Variants in GUCY2C observed in about 807,000 individuals in gnomAD.
GUCY2C encodes guanylate cyclase 2C, also known as guanylyl cyclase C.
GUCY2C carries 118 observed loss-of-function variants against 131.1 expected under a neutral mutation model. That is an observed-to-expected ratio of 0.90 (90% CI 0.78 to 1.05). GUCY2C has a LOEUF of 1.05. GUCY2C is among the 50% of genes least tolerant of loss of function. The pLI is 0.00. For synonymous variants in GUCY2C, 452 were observed against 457.8 expected, an observed-to-expected ratio of 0.99 and a Z score of 0.16; for missense variants, 1,161 against 1,304.4, an observed-to-expected ratio of 0.89 and a Z score of 1.69.
At chr12:14,650,351 G>C (rs1043430430) in intron 15 of GUCY2C, among the ~76,000 whole-genome samples, 7 of 152,082 alleles carry the variant, frequency 4.6e-5, no homozygotes, top group African/African-American at 1.7e-4. Context: ...TGGTTCAAAG[G>C]ATTCTCCTGC....
chr12:14,637,653 T>G (rs1242890089), intron 19 of GUCY2C, among the ~76,000 whole-genome samples: 2 of 152,090 alleles, frequency 1.3e-5, no homozygotes, highest in African/African-American at 4.8e-5. Context: ...AGACAACTGA[T>G]TTTCAACAAC....
At chr12:14,648,272 TAA>T (rs71038619) in intron 15 of GUCY2C, among the ~76,000 whole-genome samples, 2,393 of 147,238 alleles carry the variant, frequency 0.016, 24 homozygotes, top group African/African-American at 0.043. Context: ...ATCTTTAAAT[TAA>T]AAAAAAAAAA....
Position 14,674,660 on chromosome 12 carries a change from T to A in GUCY2C, c.1049A>T (p.Lys350Ile), listed in dbSNP as rs1475769640. The A allele has an allele frequency of 1.2e-6, 2 of 1,613,418 alleles. No homozygotes were observed. Among genetic ancestry groups the A allele is most frequent in the Non-Finnish European group, 1.7e-6 (2 of 1,179,634 alleles). ...GAGATTCCTGAAAGCATGAGCAAAT[T>A]TGGGGGTGGTAATATTTTCTCCATT... The part of the protein sequence containing the change: ...LENGENITTP[K>I]FAHAFRNLTF... The change falls in exon 8 of 27, where the codon AAA becomes ATA. Residue 350 changes from lysine (K) to isoleucine (I), a missense_variant. Physicochemically the swap from Lys to Ile is moderately radical, Grantham distance 102 (BLOSUM62 -3). Transcript: ENST00000261170.
intron 19 of GUCY2C, among the ~76,000 whole-genome samples, chr12:14,629,451 A>G (rs1050864863): frequency 1.3e-5 from 2 of 152,238 alleles, no homozygotes; most frequent in African/African-American, 2.4e-5. Context: ...TTAGTTGTAG[A>G]TTAAAAGAAG....
intron 5 of GUCY2C, among the ~76,000 whole-genome samples, 153 bp downstream of exon 5, chr12:14,681,203 G>A (rs1217856978): frequency 1.3e-5 from 2 of 152,166 alleles, no homozygotes; most frequent in Non-Finnish European, 2.9e-5. Context: ...ATATAATGAA[G>A]TTGCATGCAA....
At chr12:14,639,077 C>T (rs926658829) in intron 19 of GUCY2C, among the ~76,000 whole-genome samples, 51 of 152,178 alleles carry the variant, frequency 3.4e-4, no homozygotes, top group African/African-American at 1.2e-3. Context: ...CAGGTGGGAT[C>T]GCTTGAGGTC....
At chr12:14,641,885 C>T (rs112956120) in intron 17 of GUCY2C, among the ~76,000 whole-genome samples, 7,455 of 151,122 alleles carry the variant, frequency 0.049, 602 homozygotes, top group African/African-American at 0.17. Context: ...TGCAGTGAGA[C>T]GAGATCACAC....
At position 14,613,340 on chromosome 12, in the gene GUCY2C, A is replaced by C; in HGVS notation, c.3048-49T>G. The C allele has an allele frequency of 7.4e-7, 1 of 1,358,840 alleles. No individual in the cohort carries two copies. The highest frequency in any genetic ancestry group is 1.1e-6 in the Non-Finnish European group (1 of 949,258). The allele number at this position is 1,358,840 out of a possible 1,614,324, so 84.2% of individuals were successfully genotyped here. On this transcript the variant is annotated intron_variant, in intron 26 of 26. Coordinates refer to ENST00000261170, the MANE Select transcript of GUCY2C (RefSeq NM_004963.4). This position sits in a 1 kb window ranked among gnomAD's most constrained non-coding sequence, Gnocchi z 4.9. ...AATAGAACTTCTCAGCAATTCATAC[A>C]GAATATTCCTTAGCTCCAGAATAAT...
At chr12:14,630,914 A>G (rs1009710899) in intron 19 of GUCY2C, among the ~76,000 whole-genome samples, 2 of 152,222 alleles carry the variant, frequency 1.3e-5, no homozygotes, top group African/African-American at 4.8e-5. Context: ...TCAGATTAGA[A>G]AAAAAGGGCT....
intron 1 of GUCY2C, 98 bp downstream of exon 1, chr12:14,696,134 A>C (rs1948650496): frequency 1.1e-6 from 1 of 921,672 alleles, no homozygotes. Flanking sequence ...TCCTTAGAGA[A>C]AGTTGTGTGA....
rs192479896 is a variant in GUCY2C at position 14,618,840 on chromosome 12, A to G, written c.2875+371T>C. ...AAAAAAGCAAAACCAAATAAGAGGG[A>G]AACAGGAATGTGAACCAGAGTGTGT... On this transcript the variant is annotated intron_variant, in intron 24 of 26. Transcript: ENST00000261170. 1.4e-4 allele frequency among the ~76,000 whole-genome samples: 21 copies of G among 152,192 alleles called. No homozygotes were observed. The East Asian group carries it at 3.7e-3, about 27-fold the overall frequency.
chr12:14,683,624 A>C (rs1346047690), intron 3 of GUCY2C, among the ~76,000 whole-genome samples: 1 of 152,166 alleles, frequency 6.6e-6, no homozygotes, highest in Non-Finnish European at 1.5e-5. Flanking sequence ...GATGCCATCT[A>C]CACTTTGCCA....
chr12:14,620,933 A>T, intron 23 of GUCY2C, 109 bp downstream of exon 23: 1 of 844,186 alleles, frequency 1.2e-6, no homozygotes, highest in Non-Finnish European at 1.8e-6. Context: ...AATTAAGAGT[A>T]AAAATTATGT....
Position 14,669,231 on chromosome 12 carries a change from G to A in GUCY2C, c.1282+491C>T, listed in dbSNP as rs557287053. On this transcript the variant is annotated intron_variant, in intron 10 of 26. Transcript: ENST00000261170. ...TTTTCTTTTTTTTTTTTTGAGACAG[G>A]ATCTCACTCTGTTGCCCAGCTGGAG... Among the ~76,000 whole-genome samples, 227 of 148,980 alleles carry A rather than the reference G, an allele frequency of 1.5e-3. 2 individuals are homozygous for A. Among genetic ancestry groups the A allele is most frequent in the Middle Eastern group, 0.01 (3 of 290 alleles).
chr12:14,672,733 C>T (rs779680409), intron 9 of GUCY2C, 140 bp downstream of exon 9: 9 of 616,036 alleles, frequency 1.5e-5, no homozygotes, highest in South Asian at 5.9e-5. Flanking sequence ...CTAAGTGGGG[C>T]GTAATTGTGA....
chr12:14,687,943 A>C lies in GUCY2C; in HGVS notation c.330+8T>G, dbSNP rs966821175. On this transcript the variant is annotated splice_region_variant and intron_variant, in intron 2 of 26. Transcript: ENST00000261170. ...CCATGAGCTGCATCCACAAAAGCAA[A>C]TACTTACTGAAATTTTCCTGAGTAG... 3.9e-6 allele frequency: 6 copies of C among 1,520,750 alleles called. No homozygotes were observed. The African/African-American group carries it at 8.2e-5, about 21-fold the overall frequency. 94.2% of individuals were successfully genotyped at this position (1,520,750 alleles called of 1,614,324 possible). A position where few individuals can be genotyped will look rare whatever the true frequency, so the allele number is the denominator to read the frequency against.
intron 12 of GUCY2C, among the ~76,000 whole-genome samples, chr12:14,653,708 A>G (rs1947710702): frequency 6.6e-6 from 1 of 152,202 alleles, no homozygotes; most frequent in Admixed American, 6.5e-5. Flanking sequence ...TTTTGATGTG[A>G]TTCTCATAAA....
intron 9 of GUCY2C, among the ~76,000 whole-genome samples, chr12:14,670,917 G>A (rs1029444954): frequency 1.3e-5 from 2 of 151,072 alleles, no homozygotes; most frequent in African/African-American, 4.9e-5. Context: ...AGGGTGAAAG[G>A]CACTTCTTAC....
intron 25 of GUCY2C, 107 bp downstream of exon 25, chr12:14,616,526 G>T: frequency 1.3e-6 from 1 of 757,116 alleles, no homozygotes; most frequent in Non-Finnish European, 2.4e-6. Context: ...ATCGTGATGA[G>T]TACAGAAGAG....
Sources: allele counts gnomAD v4.1 joint callset (sites outside exome capture counted in the v4.1 genomes callset), GRCh38; gene constraint gnomAD v4.1.1; non-coding constraint Gnocchi (gnomAD v3.1); transcripts MANE v1.5; gene names NCBI Gene and HGNC (gene_info 2026-07-23, HGNC 2026-07-21).